The following NT5M variants were observed in gnomAD, a reference collection of about 807,000 sequenced individuals.
NT5M encodes 5'(3')-deoxyribonucleotidase, mitochondrial.
Under a neutral mutation model 22.2 loss-of-function variants are expected in NT5M, and 22 were observed. That is an observed-to-expected ratio of 0.99 (90% CI 0.71 to 1.41). The LOEUF (loss-of-function observed/expected upper bound fraction) is 1.41. Among genes scored for constraint, NT5M ranks in the 40% most tolerant of loss-of-function variants. The pLI, the probability that NT5M is intolerant of heterozygous loss-of-function variation, is 0.00. For synonymous variants in NT5M, 167 were observed against 133.0 expected (o/e 1.26, Z -1.76); for missense variants, 322 against 314.8 (o/e 1.02, Z -0.17).
intron 2 of NT5M, among the ~76,000 whole-genome samples, chr17:17,308,557 A>C (rs991031764): frequency 2.6e-5 from 4 of 151,690 alleles, no homozygotes; most frequent in African/African-American, 9.7e-5. Flanking sequence ...GCACCATTGC[A>C]CTCCAGCCTG....
At chr17:17,305,111 T>C (rs1404417460) in intron 1 of NT5M, among the ~76,000 whole-genome samples, 4 of 152,124 alleles carry the variant, frequency 2.6e-5, no homozygotes, top group African/African-American at 7.2e-5. Context: ...ATGGGGAGTC[T>C]GGACACCATA....
At chr17:17,345,517 T>G (rs530629322) in intron 4 of NT5M, among the ~76,000 whole-genome samples, 15 of 151,150 alleles carry the variant, frequency 9.9e-5, no homozygotes, top group African/African-American at 3.7e-4. Flanking sequence ...AAAAATTATC[T>G]GGGCATGGTG....
chr17:17,303,504 G>GGCGCGGCCCAGGTCC lies in NT5M; in HGVS notation c.-46_-32dup. ...AATGTCTGGCCGGCTCCGGCAGCAC[G>GGCGCGGCCCAGGTCC]GCGCGGCCCAGGTCCCCGCGCCCAC... On this transcript the variant is annotated 5_prime_UTR_variant, in exon 1 of 5. Transcript: ENST00000389022. 9.8e-7 allele frequency: 1 copy of GGCGCGGCCCAGGTCC among 1,023,068 alleles called. No homozygotes were observed. The highest frequency in any genetic ancestry group is 1.2e-6 in the Non-Finnish European group (1 of 855,766). The allele number at this position is 1,023,068 out of a possible 1,614,324, so 63.4% of individuals were successfully genotyped here.
rs2049283974 is a variant in NT5M at position 17,327,089 on chromosome 17, T to C, written c.429+3844T>C. 5.4e-5 allele frequency among the ~76,000 whole-genome samples: 2 copies of C among 36,920 alleles called. 1 individual carries two copies. The highest frequency in any genetic ancestry group is 1.3e-4 in the Non-Finnish European group (2 of 15,680). The allele number at this position is 36,920 out of a possible 152,430, so 24.2% of individuals were successfully genotyped here. ...ACCACACCCGGCTAATTTTTTTTTG[T>C]ATTTTTAGTAGAAACAGGGTTTCAT... On this transcript the variant is annotated intron_variant, in intron 3 of 4. Coordinates refer to ENST00000389022, the MANE Select transcript of NT5M (RefSeq NM_020201.4).
rs201530970 is a variant in NT5M, at chr17:17,305,396, C to CG, written c.268-1147_268-1146insG. ...CAGTATCTGTGGTTAAAACAACCGC[C>CG]CCCCCCCCCCCGCCCCCACACACGT... On this transcript the variant is annotated intron_variant, in intron 1 of 4. Coordinates refer to ENST00000389022, the MANE Select transcript of NT5M (RefSeq NM_020201.4). 9.3e-3 allele frequency among the ~76,000 whole-genome samples: 173 copies of CG among 18,638 alleles called. 7 individuals carry two copies. The highest frequency in any genetic ancestry group is 0.071 in the Middle Eastern group (3 of 42). The allele number at this position is 18,638 out of a possible 152,430, so 12.2% of individuals were successfully genotyped here.
chr17:17,303,396 C>A lies in NT5M; in HGVS notation c.-155C>A. On this transcript the variant is annotated 5_prime_UTR_variant, in exon 1 of 5. Coordinates refer to ENST00000389022, the MANE Select transcript of NT5M (RefSeq NM_020201.4). ...TCGCTCTGGGGCCGGTACTTGCGCG[C>A]CCGCACCCCGCGCTCCCCGCCCCGC... is the stretch of plus-strand genomic sequence containing the variant. 1.1e-6 allele frequency: 1 copy of A among 911,816 alleles called. No individual in the cohort carries two copies. Among genetic ancestry groups the A allele is most frequent in the East Asian group, 1.1e-4 (1 of 8,804 alleles). 56.5% of individuals were successfully genotyped at this position (911,816 alleles called of 1,614,324 possible).
intron 3 of NT5M, among the ~76,000 whole-genome samples, chr17:17,324,234 A>G (rs2145378353): frequency 6.6e-6 from 1 of 151,320 alleles, no homozygotes; most frequent in Non-Finnish European, 1.5e-5. Flanking sequence ...CTGTAATCCC[A>G]GAACTCTGGG....
chr17:17,316,650 A>G (rs2049033993), intron 2 of NT5M, among the ~76,000 whole-genome samples: 1 of 151,992 alleles, frequency 6.6e-6, no homozygotes, highest in Admixed American at 6.6e-5. Context: ...TGCTGGGATT[A>G]CAGAAGTGAG....
intron 3 of NT5M, among the ~76,000 whole-genome samples, chr17:17,337,643 GC>G (rs753320553): frequency 1.3e-5 from 2 of 152,072 alleles, no homozygotes; most frequent in African/African-American, 2.4e-5. Context: ...GCCCACCTCA[GC>G]CTCCCAAAGT....
chr17:17,308,967 GA>G (rs1302864736), intron 2 of NT5M, among the ~76,000 whole-genome samples: 5 of 152,066 alleles, frequency 3.3e-5, no homozygotes, highest in African/African-American at 1.2e-4. Context: ...CCAGCCATTG[GA>G]TATGTATGGA....
intron 3 of NT5M, among the ~76,000 whole-genome samples, chr17:17,333,300 CTTTTTCTTT>C (rs937294318): frequency 2.6e-5 from 4 of 151,958 alleles, no homozygotes; most frequent in African/African-American, 4.8e-5. Context: ...TTTTAATTTT[CTTTTTCTTT>C]TTTTTCTTTT....
Position 17,344,847 on chromosome 17 carries a change from G to A in NT5M, c.483G>A (p.Leu161=), listed in dbSNP as rs1461296696. The stretch of plus-strand genomic sequence containing the variant: ...CTGACTTTCTGGAGCAGATTGTGCT[G>A]ACCAGAGACAAGACCGTGGTCTCTG... ...FGPDFLEQIV[L]TRDKTVVSAD... is the part of the protein sequence containing the mutation. The change falls in exon 4 of 5, where the codon CTG becomes CTA. Residue 161 remains leucine, a synonymous_variant. Transcript: ENST00000389022. 1.7e-5 allele frequency: 28 copies of A among 1,614,198 alleles called. No homozygotes were observed. The highest frequency in any genetic ancestry group is 2.4e-5 in the Non-Finnish European group (28 of 1,180,014).
chr17:17,320,225 T>A (rs1357184294), intron 2 of NT5M, among the ~76,000 whole-genome samples: 3 of 152,252 alleles, frequency 2.0e-5, no homozygotes, highest in Non-Finnish European at 2.9e-5. Context: ...TATTATATTA[T>A]TTATACCTCT....
At chr17:17,305,945 C>G in intron 1 of NT5M, among the ~76,000 whole-genome samples, 1 of 152,082 alleles carries the variant, frequency 6.6e-6, no homozygotes, top group East Asian at 1.9e-4. Flanking sequence ...AAATGAGGGT[C>G]TGCATTTTTG....
At chr17:17,337,157 A>G (rs1008089986) in intron 3 of NT5M, among the ~76,000 whole-genome samples, 5 of 152,014 alleles carry the variant, frequency 3.3e-5, no homozygotes, top group Admixed American at 1.3e-4. Context: ...GGGTGAGATG[A>G]TATTTCCTTG....
chr17:17,319,696 G>T (rs2049110311), intron 2 of NT5M, among the ~76,000 whole-genome samples: 1 of 152,112 alleles, frequency 6.6e-6, no homozygotes, highest in African/African-American at 2.4e-5. Flanking sequence ...TAGATGGGTG[G>T]TTGCCTAGGG....
chr17:17,315,600 ATGCCTGAGCCGGGCCAGGCCTT>A (rs1409329736), intron 2 of NT5M, among the ~76,000 whole-genome samples: 1 of 150,770 alleles, frequency 6.6e-6, no homozygotes, highest in Non-Finnish European at 1.5e-5. Context: ...GCAGGTGCCA[ATGCCTGAGCCGGGCCAGGCCTT>A]TGTTTGTCTG....
intron 2 of NT5M, among the ~76,000 whole-genome samples, chr17:17,322,830 C>T (rs1402539409): frequency 1.3e-5 from 2 of 152,210 alleles, no homozygotes; most frequent in Non-Finnish European, 2.9e-5. Flanking sequence ...CAGGGCTTAG[C>T]CTGGCATGGA....
chr17:17,324,423 G>T lies in NT5M; in HGVS notation c.429+1178G>T, dbSNP rs530005071. On this transcript the variant is annotated intron_variant, in intron 3 of 4. Transcript: ENST00000389022. ...TGCTTGAACCTGGGAGGTGGAGGTT[G>T]CAGTGAGCCAAGATCGTGCCACTGC... Among the ~76,000 whole-genome samples, 13 of 151,484 alleles carry T rather than the reference G, an allele frequency of 8.6e-5. No individual in the cohort carries two copies. In the South Asian group the frequency reaches 2.7e-3, roughly 32 times the overall value.
Sources: gnomAD v4.1 joint callset for allele counts (sites outside exome capture counted in the v4.1 genomes callset) on GRCh38, gnomAD v4.1.1 for gene constraint, MANE v1.5 for transcripts, NCBI Gene and HGNC (gene_info 2026-07-23, HGNC 2026-07-21) for gene names.